Variants in SGMS1 observed in about 807,000 individuals in gnomAD.
The protein encoded by SGMS1 is phosphatidylcholine:ceramide cholinephosphotransferase 1.
SGMS1 carries 13 observed loss-of-function variants against 46.2 expected under a neutral mutation model. The observed-to-expected ratio is 0.28, with a 90% CI of 0.18 to 0.45. SGMS1 has a LOEUF of 0.45. SGMS1 is among the 20% of genes least tolerant of loss of function. SGMS1 has a pLI of 1.00. For missense variants in SGMS1, 324 were observed against 519.9 expected, an observed-to-expected ratio of 0.62 and a Z score of 3.66; for synonymous variants, 203 against 187.8, an observed-to-expected ratio of 1.08 and a Z score of -0.66.
rs1048388642 is a variant in SGMS1, at chr10:50,339,630, G to A, written c.623+3862C>T. ...CAGTGGAGCATCCCCAGGGTCTATCGGTGCCTGAAATATGGTATACTGCTT... is the reference window on the plus strand; with the variant it reads ...CAGTGGAGCATCCCCAGGGTCTATCAGTGCCTGAAATATGGTATACTGCTT... On this transcript the variant is annotated intron_variant, in intron 7 of 10. Transcript: ENST00000361781. Among the ~76,000 whole-genome samples, 24 of 152,218 alleles carry A rather than the reference G, an allele frequency of 1.6e-4. No homozygotes were observed. In the East Asian group the frequency reaches 2.7e-3, roughly 17 times the overall value.
intron 8 of SGMS1, among the ~76,000 whole-genome samples, chr10:50,312,652 C>T (rs112395965): frequency 1.9e-4 from 29 of 152,258 alleles, no homozygotes; most frequent in African/African-American, 6.7e-4. Context: ...CTGTACCCAG[C>T]CATATTACTA....
chr10:50,338,826 G>A (rs2461913), intron 7 of SGMS1, among the ~76,000 whole-genome samples: 6 of 150,526 alleles, frequency 4.0e-5, no homozygotes, highest in Non-Finnish European at 8.8e-5. Flanking sequence ...TGCAACCTCC[G>A]CCTCCTGGGT....
At chr10:50,506,094 C>G (rs894610315) in intron 3 of SGMS1, among the ~76,000 whole-genome samples, 1 of 152,106 alleles carries the variant, frequency 6.6e-6, no homozygotes, top group Non-Finnish European at 1.5e-5. Flanking sequence ...CTCCTCTTAC[C>G]CTTCAGACTT....
chr10:50,593,010 T>C (rs1048564249), intron 1 of SGMS1, among the ~76,000 whole-genome samples: 1 of 151,484 alleles, frequency 6.6e-6, no homozygotes, highest in Non-Finnish European at 1.5e-5. Flanking sequence ...CACTACAATA[T>C]TGCTGAAATG....
intron 6 of SGMS1, among the ~76,000 whole-genome samples, chr10:50,414,040 C>T (rs1468080151): frequency 6.6e-6 from 1 of 152,144 alleles, no homozygotes; most frequent in Non-Finnish European, 1.5e-5. Context: ...TCAGCTTTTA[C>T]ACTAAGGTGA....
intron 5 of SGMS1, among the ~76,000 whole-genome samples, chr10:50,443,021 C>G (rs1320057836): frequency 6.6e-6 from 1 of 152,086 alleles, no homozygotes; most frequent in Non-Finnish European, 1.5e-5. Flanking sequence ...CCTTAGTGTT[C>G]TATGAGCAAA....
rs1838882928 is a variant in SGMS1 at position 50,623,893 on chromosome 10, C to T, written c.-870G>A. The T allele has an allele frequency of 5.2e-5, 51 of 987,070 alleles. No individual in the cohort carries two copies. The highest frequency in any genetic ancestry group is 6.1e-5 in the Non-Finnish European group (51 of 831,338). 61.1% of individuals were successfully genotyped at this position (987,070 alleles called of 1,614,324 possible). A position where few individuals can be genotyped will look rare whatever the true frequency, so the allele number is the denominator to read the frequency against. On this transcript the variant is annotated 5_prime_UTR_variant, in exon 1 of 11. Coordinates refer to ENST00000361781, the MANE Select transcript of SGMS1 (RefSeq NM_147156.4). ...CACTCCCGACCTGCCCGCCGCCTGC[C>T]GCCCGCAGCCGCTGCCCCGCTGGTG...
At chr10:50,390,158 T>C (rs1190458309) in intron 6 of SGMS1, among the ~76,000 whole-genome samples, 1 of 152,240 alleles carries the variant, frequency 6.6e-6, no homozygotes, top group Non-Finnish European at 1.5e-5. Flanking sequence ...GAAATTATGT[T>C]CAATTATTAT....
At chr10:50,455,409 T>C (rs1416248990) in intron 5 of SGMS1, among the ~76,000 whole-genome samples, 1 of 152,246 alleles carries the variant, frequency 6.6e-6, no homozygotes, top group Non-Finnish European at 1.5e-5. Context: ...TAAATGTATA[T>C]TAACATTAAG....
chr10:50,365,013 C>T (rs1381158323), intron 6 of SGMS1, among the ~76,000 whole-genome samples: 4 of 152,080 alleles, frequency 2.6e-5, no homozygotes, highest in African/African-American at 7.2e-5. Flanking sequence ...CCTGTAATCC[C>T]AGCACTTTAG....
intron 8 of SGMS1, 48 bp downstream of exon 8, chr10:50,327,157 A>G (rs778963477): frequency 1.7e-6 from 2 of 1,178,140 alleles, no homozygotes; most frequent in South Asian, 2.6e-5. Context: ...ACCCCAGGGC[A>G]AGACAAGAAA....
intron 2 of SGMS1, among the ~76,000 whole-genome samples, chr10:50,525,521 G>A (rs1837893305): frequency 6.6e-6 from 1 of 152,156 alleles, no homozygotes; most frequent in Non-Finnish European, 1.5e-5. Context: ...GACCTTGACT[G>A]GAAGATGTTA....
chr10:50,322,625 G>A (rs1349109444), intron 8 of SGMS1, among the ~76,000 whole-genome samples: 1 of 151,724 alleles, frequency 6.6e-6, no homozygotes, highest in Non-Finnish European at 1.5e-5. Flanking sequence ...GAGGTCAGGA[G>A]ATCGAGACCA....
intron 2 of SGMS1, among the ~76,000 whole-genome samples, chr10:50,537,604 C>T (rs1298810739): frequency 6.0e-5 from 9 of 150,590 alleles, no homozygotes; most frequent in East Asian, 3.9e-4. Flanking sequence ...TATCCCTCCC[C>T]GCCACCCCCT....
intron 3 of SGMS1, among the ~76,000 whole-genome samples, chr10:50,492,942 CCTT>C (rs780314641): frequency 6.6e-6 from 1 of 152,168 alleles, no homozygotes; most frequent in African/African-American, 2.4e-5. Context: ...CTTCTCTTCT[CCTT>C]CTTTGGCCTT....
At chr10:50,456,659 G>A (rs936377060) in intron 5 of SGMS1, among the ~76,000 whole-genome samples, 1 of 152,088 alleles carries the variant, frequency 6.6e-6, no homozygotes, top group Non-Finnish European at 1.5e-5. Flanking sequence ...GACACCTGGG[G>A]TTTCCTCAGG....
intron 6 of SGMS1, among the ~76,000 whole-genome samples, chr10:50,370,996 C>T (rs1346128557): frequency 6.6e-6 from 1 of 152,074 alleles, no homozygotes; most frequent in East Asian, 1.9e-4. Flanking sequence ...AAAAGGTACA[C>T]CATAGCAAAT....
chr10:50,549,100 G>A (rs1838126911), intron 2 of SGMS1, among the ~76,000 whole-genome samples: 1 of 152,140 alleles, frequency 6.6e-6, no homozygotes. Flanking sequence ...TTGGTGGGAA[G>A]GTAAATTAGT....
At chr10:50,443,099 A>T (rs1338506883) in intron 5 of SGMS1, among the ~76,000 whole-genome samples, 1 of 152,224 alleles carries the variant, frequency 6.6e-6, no homozygotes, top group African/African-American at 2.4e-5. Flanking sequence ...CCATAAATGT[A>T]TATAGGAAAA....
Sources: allele counts gnomAD v4.1 joint callset (sites outside exome capture counted in the v4.1 genomes callset), GRCh38; gene constraint gnomAD v4.1.1; transcripts MANE v1.5; gene names NCBI Gene and HGNC (gene_info 2026-07-23, HGNC 2026-07-21).